Variants in CRTAC1 observed in about 807,000 individuals in gnomAD.
CRTAC1 encodes the protein cartilage acidic protein 1, also known as acidic secreted protein in cartilage.
CRTAC1 carries 37 observed loss-of-function variants against 67.8 expected under a neutral mutation model. That is an observed-to-expected ratio of 0.55 (90% confidence interval 0.42 to 0.72). The LOEUF (loss-of-function observed/expected upper bound fraction) is 0.72, where lower values mean the gene tolerates loss of function less well. CRTAC1 is among the 30% of genes least tolerant of loss of function. The pLI, the probability that CRTAC1 is intolerant of heterozygous loss-of-function variation, is 0.00. For synonymous variants in CRTAC1, 348 were observed against 371.0 expected, an observed-to-expected ratio of 0.94 and a Z score of 0.71; for missense variants, 780 against 931.6, an observed-to-expected ratio of 0.84 and a Z score of 2.12.
intron 13 of CRTAC1, among the ~76,000 whole-genome samples, chr10:97,881,717 G>T (rs920570541): frequency 1.3e-5 from 2 of 152,160 alleles, no homozygotes; most frequent in Non-Finnish European, 2.9e-5. Flanking sequence ...GGGTGGGCAT[G>T]TGGAGAGTGT....
intron 12 of CRTAC1, among the ~76,000 whole-genome samples, chr10:97,883,832 A>G (rs906587475): frequency 2.0e-5 from 3 of 152,226 alleles, no homozygotes; most frequent in Non-Finnish European, 4.4e-5. Context: ...AGGTCTTGTC[A>G]GAGACTCAGA....
intron 1 of CRTAC1, among the ~76,000 whole-genome samples, chr10:98,012,159 T>G (rs1229611274): frequency 6.6e-6 from 1 of 152,242 alleles, no homozygotes; most frequent in Non-Finnish European, 1.5e-5. Flanking sequence ...GTGCGTGTTT[T>G]ATTATAAATT....
At chr10:97,905,336 C>A (rs1300579822) in intron 6 of CRTAC1, among the ~76,000 whole-genome samples, 3 of 152,164 alleles carry the variant, frequency 2.0e-5, no homozygotes, top group Non-Finnish European at 2.9e-5. Flanking sequence ...AGCTCCTGGG[C>A]CTTTGCTCAA....
At chr10:97,951,460 G>A (rs1019853589) in intron 2 of CRTAC1, among the ~76,000 whole-genome samples, 1 of 152,156 alleles carries the variant, frequency 6.6e-6, no homozygotes, top group South Asian at 2.1e-4. Context: ...TCATTCAGAG[G>A]GGTCTTTGTT....
At chr10:97,997,451 CAAAAAAAAAAA>C (rs746635057) in intron 2 of CRTAC1, among the ~76,000 whole-genome samples, 7 of 48,234 alleles carry the variant, frequency 1.5e-4, no homozygotes, top group Non-Finnish European at 2.9e-4. Flanking sequence ...GACTCTGTCT[CAAAAAAAAAAA>C]AAAAAAAAAA....
At chr10:97,869,811 C>A (rs973769266) in intron 14 of CRTAC1, 1 of 152,268 alleles carries the variant, frequency 6.6e-6, no homozygotes, top group Admixed American at 6.5e-5. Context: ...CTAGGGCCAG[C>A]CCCTGGGCTG....
chr10:98,026,526 T>C (rs184972442), intron 1 of CRTAC1, among the ~76,000 whole-genome samples: 8 of 152,284 alleles, frequency 5.3e-5, no homozygotes, highest in Admixed American at 5.2e-4. Context: ...CAGGCTCATT[T>C]CACCAGGTAA....
rs1179114162 is a variant in CRTAC1, at chr10:98,003,183, A to T, written c.224+7955T>A. 3.3e-5 allele frequency among the ~76,000 whole-genome samples: 5 copies of T among 152,360 alleles called. No homozygotes were observed. The East Asian group carries it at 9.6e-4, about 29-fold the overall frequency. The stretch of plus-strand genomic sequence containing the variant: ...TATTGTTGCGAAATTACACAATAAT[A>T]CAGTTAAAATTCTCTGAAGTAATGG... On this transcript the variant is annotated intron_variant, in intron 2 of 14. Transcript: ENST00000370597.
chr10:97,872,395 C>T (rs1246448573), intron 14 of CRTAC1, among the ~76,000 whole-genome samples: 1 of 152,186 alleles, frequency 6.6e-6, no homozygotes, highest in Non-Finnish European at 1.5e-5. Flanking sequence ...TGGGCAGCAG[C>T]TCTCAGTGAT....
chr10:97,944,803 A>G (rs2051239361), intron 2 of CRTAC1, among the ~76,000 whole-genome samples: 1 of 63,046 alleles, frequency 1.6e-5, no homozygotes, highest in African/African-American at 4.6e-5. Flanking sequence ...AAATTTGGCT[A>G]CCTTAAGACC....
chr10:98,028,242 C>A (rs1843280456), intron 1 of CRTAC1, among the ~76,000 whole-genome samples: 1 of 152,202 alleles, frequency 6.6e-6, no homozygotes, highest in East Asian at 1.9e-4. Flanking sequence ...TAGAAGGATT[C>A]CAAGTACGAT....
At chr10:97,905,104 TG>T (rs1336737475) in intron 6 of CRTAC1, among the ~76,000 whole-genome samples, 1 of 151,794 alleles carries the variant, frequency 6.6e-6, no homozygotes, top group African/African-American at 2.4e-5. Flanking sequence ...GGAGGGAGAC[TG>T]GGGGAAATTC....
chr10:97,880,691 G>A (rs541934008), intron 13 of CRTAC1, among the ~76,000 whole-genome samples: 9 of 152,164 alleles, frequency 5.9e-5, no homozygotes, highest in South Asian at 2.1e-4. Flanking sequence ...ACCTCTCCCC[G>A]TGGCTCCAGA....
In CRTAC1 at chr10:97,901,591, T is replaced by C; in HGVS notation, c.1045A>G (p.Ile349Val). The change falls in exon 8 of 15, where the codon ATC becomes GTC. Residue 349 changes from isoleucine (I) to valine (V), a missense_variant. Physicochemically the swap from Ile to Val is conservative, Grantham distance 29. Transcript: ENST00000370597. ...TGGTCATTGTCAAAGTCGGCGGTGA[T>C]GACCGTGCGGACAGGGGAGGGCATG... Reference protein sequence around the residue: ...FSMPSPVRTVITADFDNDQEL... With the variant: ...FSMPSPVRTVVTADFDNDQEL... The C allele has an allele frequency of 6.2e-7, 1 of 1,614,182 alleles. No individual in the cohort carries two copies. The highest frequency in any genetic ancestry group is 8.5e-7 in the Non-Finnish European group (1 of 1,180,034).
intron 3 of CRTAC1, among the ~76,000 whole-genome samples, chr10:97,934,808 C>T (rs1432451943): frequency 6.6e-6 from 1 of 152,106 alleles, no homozygotes; most frequent in African/African-American, 2.4e-5. Context: ...AACCTAGCCC[C>T]ACAGGGACAC....
intron 6 of CRTAC1, among the ~76,000 whole-genome samples, chr10:97,905,205 A>G (rs748532386): frequency 5.9e-5 from 9 of 152,112 alleles, no homozygotes; most frequent in Non-Finnish European, 1.3e-4. Flanking sequence ...TAAGCTGATC[A>G]TGCCCTCCAA....
intron 9 of CRTAC1, among the ~76,000 whole-genome samples, chr10:97,896,240 C>T (rs1444575347): frequency 6.6e-6 from 1 of 152,172 alleles, no homozygotes; most frequent in East Asian, 1.9e-4. Flanking sequence ...ATTACTCAGA[C>T]CACATGGTCT....
intron 1 of CRTAC1, among the ~76,000 whole-genome samples, chr10:98,017,738 T>C (rs901747389): frequency 6.6e-6 from 1 of 151,428 alleles, no homozygotes; most frequent in Non-Finnish European, 1.5e-5. Flanking sequence ...GGTCTTGCTA[T>C]GTTGCCCAGG....
chr10:97,877,638 T>G (rs976392220), intron 14 of CRTAC1, among the ~76,000 whole-genome samples: 6 of 152,240 alleles, frequency 3.9e-5, no homozygotes, highest in African/African-American at 1.2e-4. Context: ...CAGTATCTGT[T>G]GAACTCATGA....
Sources: gnomAD v4.1 joint callset for allele counts (sites outside exome capture counted in the v4.1 genomes callset) on GRCh38, gnomAD v4.1.1 for gene constraint, MANE v1.5 for transcripts, NCBI Gene and HGNC (gene_info 2026-07-23, HGNC 2026-07-21) for gene names.